ARMC2: variants seen among roughly 807,000 people sequenced by gnomAD.
The protein encoded by ARMC2 is armadillo repeat containing 2.
A neutral mutation model predicts 90.3 loss-of-function variants in ARMC2; 67 were observed. That is an observed-to-expected ratio of 0.74 (90% CI 0.61 to 0.91). ARMC2 has a LOEUF of 0.91. ARMC2 is among the 40% of genes least tolerant of loss of function. The pLI is 0.00. For missense variants in ARMC2, 920 were observed against 1,030.9 expected (o/e 0.89, Z 1.47); for synonymous variants, 393 against 393.0 (o/e 1.00, Z 0.00).
intron 6 of ARMC2, among the ~76,000 whole-genome samples, chr6:108,894,760 CTTTTTTTTTT>C (rs1046472191): frequency 9.7e-6 from 1 of 103,378 alleles, no homozygotes; most frequent in Non-Finnish European, 1.8e-5. Flanking sequence ...AGATGACAGT[CTTTTTTTTTT>C]TTTTTTTTTT....
intron 3 of ARMC2, among the ~76,000 whole-genome samples, chr6:108,865,619 G>T (rs1257275052): frequency 6.6e-6 from 1 of 152,144 alleles, no homozygotes; most frequent in African/African-American, 2.4e-5. Context: ...AGAAAATAAT[G>T]CCTTTTATTG....
At chr6:108,990,505 C>T in the ARMC2 span, 2 of 751,418 alleles carry the variant, frequency 2.7e-6, no homozygotes, top group Non-Finnish European at 4.3e-6. Flanking sequence ...TTCTTTGAAG[C>T]ATAAATAGCA....
At chr6:108,969,287 C>T (rs1439121422) in intron 17 of ARMC2, among the ~76,000 whole-genome samples, 1 of 152,224 alleles carries the variant, frequency 6.6e-6, no homozygotes, top group Non-Finnish European at 1.5e-5. Flanking sequence ...ATCCCTTAAA[C>T]AGCCATCTGC....
chr6:109,037,060 T>C, the ARMC2 span, among the ~76,000 whole-genome samples: 1 of 152,172 alleles, frequency 6.6e-6, no homozygotes, highest in Non-Finnish European at 1.5e-5. Context: ...ATATAGCTGT[T>C]ATATTCCTGA....
chr6:109,042,036 AAT>A, the ARMC2 span, among the ~76,000 whole-genome samples: 3 of 152,116 alleles, frequency 2.0e-5, no homozygotes, highest in Non-Finnish European at 4.4e-5. Context: ...AGAAGTAAAT[AAT>A]AGAAAGATAA....
chr6:109,045,231 A>G, the ARMC2 span, among the ~76,000 whole-genome samples: 1 of 152,042 alleles, frequency 6.6e-6, no homozygotes, highest in Non-Finnish European at 1.5e-5. Flanking sequence ...AAACTGTAAA[A>G]TCTATCCCCT....
the ARMC2 span, chr6:108,992,967 G>A: frequency 1.0e-6 from 1 of 970,290 alleles, no homozygotes; most frequent in African/African-American, 1.6e-5. Flanking sequence ...TTACCCAAAG[G>A]AGTAAAAATG....
At chr6:109,052,063 G>A in the ARMC2 span, among the ~76,000 whole-genome samples, 5 of 152,262 alleles carry the variant, frequency 3.3e-5, no homozygotes, top group Non-Finnish European at 7.4e-5. Context: ...TGAGGTTTTT[G>A]CCATTACTTT....
intron 17 of ARMC2, among the ~76,000 whole-genome samples, chr6:108,968,388 T>C (rs11964709): frequency 0.027 from 4,160 of 152,270 alleles, 198 homozygotes; most frequent in African/African-American, 0.095. Flanking sequence ...CCACTGCACC[T>C]TGTGCAGGGG....
intron 12 of ARMC2, among the ~76,000 whole-genome samples, chr6:108,940,239 C>G (rs1216133034): frequency 1.3e-5 from 2 of 152,180 alleles, no homozygotes; most frequent in Non-Finnish European, 2.9e-5. Context: ...GCACTCCAGC[C>G]TGGGTGACAG....
chr6:108,909,453 TA>T (rs1051862325), intron 8 of ARMC2, among the ~76,000 whole-genome samples: 40 of 147,990 alleles, frequency 2.7e-4, no homozygotes, highest in Admixed American at 5.4e-4. Context: ...CTTTGCTTTT[TA>T]AAAAAAAAAA....
At chr6:108,988,718 T>C in the ARMC2 span, 2 of 1,547,074 alleles carry the variant, frequency 1.3e-6, no homozygotes, top group East Asian at 2.3e-5. Context: ...AATTATGATA[T>C]TTTCAGTGTA....
the ARMC2 span, among the ~76,000 whole-genome samples, chr6:109,023,134 T>C: frequency 2.0e-3 from 306 of 152,352 alleles, no homozygotes; most frequent in Non-Finnish European, 3.5e-3. Context: ...AAATGTTCTA[T>C]AACATCTCTC....
At chr6:109,012,976 C>T in the ARMC2 span, among the ~76,000 whole-genome samples, 1 of 151,562 alleles carries the variant, frequency 6.6e-6, no homozygotes, top group Non-Finnish European at 1.5e-5. Flanking sequence ...ATTAGCTGGG[C>T]GTGGTGGTGT....
rs973066827 is a variant in ARMC2 at position 108,941,120 on chromosome 6, C to G, written c.1596+4121C>G. ...CAGACAGACAGACAGATATTTTAGA[C>G]TAAAAACTTTAAAATAAAATTGAAT... On this transcript the variant is annotated intron_variant, in intron 12 of 17. Coordinates refer to ENST00000392644, the MANE Select transcript of ARMC2 (RefSeq NM_032131.6). Among the ~76,000 whole-genome samples, 3 of 152,112 alleles carry G rather than the reference C, an allele frequency of 2.0e-5. No homozygotes were observed. In the South Asian group the frequency reaches 6.2e-4, roughly 32 times the overall value.
At chr6:108,890,007 TG>T (rs2128452671) in intron 5 of ARMC2, among the ~76,000 whole-genome samples, 1 of 147,614 alleles carries the variant, frequency 6.8e-6, no homozygotes, top group African/African-American at 2.5e-5. Context: ...GCTAAAACGG[TG>T]AAACCCCGTC....
At chr6:109,046,315 C>T in the ARMC2 span, among the ~76,000 whole-genome samples, 5 of 151,862 alleles carry the variant, frequency 3.3e-5, no homozygotes, top group African/African-American at 1.2e-4. Flanking sequence ...CAGCCCCTAA[C>T]CGCGAGTGAT....
intron 1 of ARMC2, among the ~76,000 whole-genome samples, chr6:108,851,651 C>T (rs1482476104): frequency 6.6e-6 from 1 of 151,908 alleles, no homozygotes; most frequent in East Asian, 1.9e-4. Flanking sequence ...AAGACCCTGT[C>T]CAGACCATGG....
intron 15 of ARMC2, among the ~76,000 whole-genome samples, chr6:108,963,657 C>T (rs949152080): frequency 1.3e-5 from 2 of 152,172 alleles, no homozygotes; most frequent in African/African-American, 2.4e-5. Context: ...AAATGATTCT[C>T]CTGAGGCAGG....
Sources: allele counts gnomAD v4.1 joint callset (sites outside exome capture counted in the v4.1 genomes callset), GRCh38; gene constraint gnomAD v4.1.1; transcripts MANE v1.5; gene names NCBI Gene and HGNC (gene_info 2026-07-23, HGNC 2026-07-21).